The following HAUS8 variants were observed in gnomAD, a reference collection of about 807,000 sequenced individuals.
HAUS8 encodes the protein HAUS augmin like complex subunit 8.
Under a neutral mutation model 42.9 loss-of-function variants are expected in HAUS8, and 38 were observed. The observed-to-expected ratio is 0.89, with a 90% CI of 0.68 to 1.16. HAUS8 has a LOEUF of 1.16. Among genes scored for constraint, HAUS8 ranks in the 50% most tolerant of loss-of-function variants. The pLI is 0.00. For missense variants in HAUS8, 494 were observed against 511.6 expected (o/e 0.97, Z 0.33); for synonymous variants, 199 against 205.8 (o/e 0.97, Z 0.28).
chr19:17,075,078 C>T (rs1568645024), intron 1 of HAUS8: 5 of 454,530 alleles, frequency 1.1e-5, no homozygotes, highest in African/African-American at 9.8e-5. Flanking sequence ...TTCAGCCTCA[C>T]GCGACGCCTA....
chr19:17,073,733 G>A, intron 1 of HAUS8: 1 of 216,292 alleles, frequency 4.6e-6, no homozygotes, highest in Non-Finnish European at 9.5e-6. Context: ...AGGCAGGTAC[G>A]AGGAGTGGTC....
intron 3 of HAUS8, among the ~76,000 whole-genome samples, chr19:17,064,993 A>C (rs1403782291): frequency 1.3e-5 from 2 of 152,210 alleles, no homozygotes; most frequent in African/African-American, 4.8e-5. Flanking sequence ...CACCCTCAAA[A>C]CTCAGTAACA....
chr19:17,069,663 A>G (rs938432052), intron 2 of HAUS8, among the ~76,000 whole-genome samples: 8 of 151,972 alleles, frequency 5.3e-5, no homozygotes, highest in Non-Finnish European at 1.2e-4. Context: ...TGGATGGAAC[A>G]AATGCCACCT....
intron 3 of HAUS8, among the ~76,000 whole-genome samples, chr19:17,068,223 C>T (rs2057399606): frequency 6.6e-6 from 1 of 150,414 alleles, no homozygotes; most frequent in Non-Finnish European, 1.5e-5. Context: ...AAGCGATTCT[C>T]CTGCCTCAGC....
chr19:17,050,830 G>A (rs1442453378), intron 10 of HAUS8, among the ~76,000 whole-genome samples: 1 of 151,920 alleles, frequency 6.6e-6, no homozygotes. Context: ...CAGGAGACAG[G>A]GTCTATAGTG....
chr19:17,063,955 C>A (rs944197617), intron 3 of HAUS8, among the ~76,000 whole-genome samples: 2 of 152,144 alleles, frequency 1.3e-5, no homozygotes, highest in Non-Finnish European at 2.9e-5. Flanking sequence ...GAGCCAATCC[C>A]GTGTAAATAA....
intron 10 of HAUS8, among the ~76,000 whole-genome samples, chr19:17,050,710 A>C (rs886486033): frequency 3.3e-5 from 5 of 152,146 alleles, no homozygotes; most frequent in Non-Finnish European, 4.4e-5. Flanking sequence ...AGCTTGGCCA[A>C]CATGGTGAAA....
chr19:17,057,739 G>C (rs1282186481), intron 8 of HAUS8, among the ~76,000 whole-genome samples: 1 of 152,104 alleles, frequency 6.6e-6, no homozygotes, highest in Non-Finnish European at 1.5e-5. Context: ...ATTCATACCT[G>C]ATGATCCAAC....
chr19:17,062,914 C>A, intron 3 of HAUS8, 135 bp from the exon 4 acceptor site: 1 of 667,760 alleles, frequency 1.5e-6, no homozygotes, highest in Non-Finnish European at 2.6e-6. Flanking sequence ...GGTTTGAAAT[C>A]TTACCTCATA....
intron 9 of HAUS8, 163 bp from the exon 10 acceptor site, chr19:17,053,129 C>T (rs950240275): frequency 2.8e-6 from 2 of 725,476 alleles, no homozygotes; most frequent in Non-Finnish European, 2.3e-6. Context: ...ACATTCGTCC[C>T]TTATCCATCC....
intron 3 of HAUS8, among the ~76,000 whole-genome samples, chr19:17,064,883 C>T (rs1159679174): frequency 6.6e-6 from 1 of 152,110 alleles, no homozygotes; most frequent in Non-Finnish European, 1.5e-5. Flanking sequence ...TCAACTACTG[C>T]CTCTTAAATT....
In HAUS8 at chr19:17,075,412, G is replaced by A. The variant is rs765245822; in HGVS notation, c.11C>T (p.Ser4Phe). 8.1e-6 allele frequency: 13 copies of A among 1,613,888 alleles called. No homozygotes were observed. The highest frequency in any genetic ancestry group is 3.3e-5 in the South Asian group (3 of 91,088). MAD[S>F]SGRGAGKPAT... ...AACTCACCCAGCGCCTCGCCCCGAGGAATCCGCCATTTTCCCGCCTTCCAC... is the reference window on the plus strand; with the variant it reads ...AACTCACCCAGCGCCTCGCCCCGAGAAATCCGCCATTTTCCCGCCTTCCAC... Residue 4 changes from serine to phenylalanine, a missense_variant, in exon 1 of 11, where the codon TCC becomes TTC. By Grantham distance (155) the Ser-to-Phe change is radical. Coordinates refer to ENST00000253669, the MANE Select transcript of HAUS8 (RefSeq NM_033417.2).
chr19:17,060,976 T>C (rs1299024796), intron 4 of HAUS8, among the ~76,000 whole-genome samples: 2 of 151,978 alleles, frequency 1.3e-5, no homozygotes, highest in Admixed American at 1.3e-4. Flanking sequence ...GACCTGGAAA[T>C]GAAAAGAGGA....
In HAUS8 at chr19:17,075,442, A is replaced by C. The variant is rs374138402; in HGVS notation, c.-20T>G. On this transcript the variant is annotated 5_prime_UTR_variant, in exon 1 of 11. Transcript: ENST00000253669. ...CGCCATTTTCCCGCCTTCCACCTCAAGGCCCGACCCGCCGGCTTTTCAAAG... is the reference window on the plus strand; with the variant it reads ...CGCCATTTTCCCGCCTTCCACCTCACGGCCCGACCCGCCGGCTTTTCAAAG... 6.2e-7 allele frequency: 1 copy of C among 1,613,268 alleles called. No individual in the cohort carries two copies. Among genetic ancestry groups the C allele is most frequent in the Admixed American group, 1.7e-5 (1 of 60,026 alleles).
intron 2 of HAUS8, among the ~76,000 whole-genome samples, chr19:17,070,215 C>T (rs1392640387): frequency 1.3e-5 from 2 of 152,042 alleles, no homozygotes; most frequent in Admixed American, 1.3e-4. Flanking sequence ...AGACACACCA[C>T]CGCACCAGAA....
intron 9 of HAUS8, chr19:17,053,660 T>G (rs531559157): frequency 6.6e-6 from 1 of 150,636 alleles, no homozygotes; most frequent in South Asian, 2.1e-4. Flanking sequence ...AAATTTCTTT[T>G]TTTCTTTTTT....
chr19:17,055,127 AAAAAAAAAAAAAAAAAATATATATATAT>A (rs1487373480), intron 9 of HAUS8: 8 of 32,126 alleles, frequency 2.5e-4, no homozygotes, highest in Non-Finnish European at 3.2e-4. Flanking sequence ...AAAAAAAAAA[AAAAAAAAAAAAAAAAAATATATATATAT>A]ATATATATAT....
intron 2 of HAUS8, among the ~76,000 whole-genome samples, chr19:17,071,897 A>C (rs1283835980): frequency 6.6e-6 from 1 of 152,100 alleles, no homozygotes; most frequent in African/African-American, 2.4e-5. Flanking sequence ...TGAGGCAGAG[A>C]ATCGCTTGAA....
intron 4 of HAUS8, 21 bp downstream of exon 4, chr19:17,062,676 GA>G: frequency 1.2e-6 from 2 of 1,602,802 alleles, no homozygotes; most frequent in South Asian, 1.1e-5. Context: ...ATCACTGCCC[GA>G]GGACCATGGC....
Sources: gnomAD v4.1 joint callset for allele counts (sites outside exome capture counted in the v4.1 genomes callset) on GRCh38, gnomAD v4.1.1 for gene constraint, MANE v1.5 for transcripts, NCBI Gene and HGNC (gene_info 2026-07-23, HGNC 2026-07-21) for gene names.